Variants in UNC5A observed in about 807,000 individuals in gnomAD.
The protein encoded by UNC5A is netrin receptor UNC5A.
A neutral mutation model predicts 87.4 loss-of-function variants in UNC5A; 20 were observed. That is an observed-to-expected ratio of 0.23 (90% CI 0.16 to 0.33). The LOEUF is 0.33. Among genes scored for constraint, UNC5A ranks in the 10% least tolerant of loss-of-function variants. The pLI is 1.00. For synonymous variants in UNC5A, 438 were observed against 482.3 expected, an observed-to-expected ratio of 0.91 and a Z score of 1.20; for missense variants, 844 against 1,133.4, an observed-to-expected ratio of 0.74 and a Z score of 3.67.
intron 1 of UNC5A, among the ~76,000 whole-genome samples, chr5:176,854,430 A>G (rs984585475): frequency 5.3e-5 from 8 of 152,214 alleles, no homozygotes; most frequent in African/African-American, 1.9e-4. Flanking sequence ...GCAGGGATGC[A>G]GGTGGCAGGG....
chr5:176,856,520 G>T (rs1416996913), intron 1 of UNC5A, among the ~76,000 whole-genome samples: 1 of 152,246 alleles, frequency 6.6e-6, no homozygotes, highest in African/African-American at 2.4e-5. Flanking sequence ...CCCCCAGGGA[G>T]TTTATGGTCT....
intron 1 of UNC5A, among the ~76,000 whole-genome samples, chr5:176,858,981 G>A (rs1757749180): frequency 6.6e-6 from 1 of 152,198 alleles, no homozygotes; most frequent in African/African-American, 2.4e-5. Flanking sequence ...GAGCTCGGGG[G>A]CCAGAGGCAG....
chr5:176,868,966 T>A lies in UNC5A; in HGVS notation c.721+2T>A, dbSNP rs1162408031. The A allele has an allele frequency of 6.3e-7, 1 of 1,596,678 alleles. No homozygotes were observed. The highest frequency in any genetic ancestry group is 8.5e-7 in the Non-Finnish European group (1 of 1,170,068). ...CCTCCGCTGCTGTCATCGTCTACGGTGGGCCCCGGGACTCCCTGGTCACAG... is the reference window on the plus strand; with the variant it reads ...CCTCCGCTGCTGTCATCGTCTACGGAGGGCCCCGGGACTCCCTGGTCACAG... On this transcript the variant is annotated splice_donor_variant, in intron 5 of 14. Transcript: ENST00000329542. LOFTEE classifies it high-confidence loss of function.
intron 8 of UNC5A, among the ~76,000 whole-genome samples, chr5:176,876,337 G>A (rs1013332242): frequency 1.2e-4 from 19 of 152,286 alleles, no homozygotes; most frequent in Admixed American, 7.8e-4. Flanking sequence ...CCTGCTCTGC[G>A]CTGCCCACGA....
intron 1 of UNC5A, among the ~76,000 whole-genome samples, chr5:176,849,291 A>G (rs1012374738): frequency 6.6e-6 from 1 of 152,204 alleles, no homozygotes; most frequent in Non-Finnish European, 1.5e-5. Flanking sequence ...TGGGGAAAAA[A>G]AAATCAGTGC....
chr5:176,812,570 C>T (rs1161758535), intron 1 of UNC5A, among the ~76,000 whole-genome samples: 1 of 152,050 alleles, frequency 6.6e-6, no homozygotes, highest in Non-Finnish European at 1.5e-5. Flanking sequence ...GCACAGGTAC[C>T]GGTGAAGCAG....
rs1758405355 is a variant in UNC5A at position 176,880,887 on chromosome 5, A to C, written c.*1001A>C. Reference sequence around the variant, plus strand: ...GCGTGAATGTAAATAAATTATATATATATATTGCTAACCTGAGTGCTACTT... The same window carrying C: ...GCGTGAATGTAAATAAATTATATATCTATATTGCTAACCTGAGTGCTACTT... On this transcript the variant is annotated 3_prime_UTR_variant, in exon 15 of 15. Transcript: ENST00000329542. 1.8e-6 allele frequency: 1 copy of C among 566,336 alleles called. No individual in the cohort carries two copies. The highest frequency in any genetic ancestry group is 3.0e-6 in the Non-Finnish European group (1 of 334,280). The allele number at this position is 566,336 out of a possible 1,614,324, so 35.1% of individuals were successfully genotyped here.
chr5:176,816,757 C>T (rs190681566), intron 1 of UNC5A, among the ~76,000 whole-genome samples: 8 of 152,368 alleles, frequency 5.3e-5, no homozygotes, highest in Admixed American at 2.6e-4. Flanking sequence ...ACATAGTGGG[C>T]ACTCAATACA....
chr5:176,849,152 C>T (rs1305654818), intron 1 of UNC5A, among the ~76,000 whole-genome samples: 2 of 152,212 alleles, frequency 1.3e-5, no homozygotes, highest in Non-Finnish European at 2.9e-5. Context: ...CGGAAGAGGC[C>T]TTGGACACTG....
chr5:176,845,509 C>T (rs1443223601), intron 1 of UNC5A, among the ~76,000 whole-genome samples: 1 of 152,262 alleles, frequency 6.6e-6, no homozygotes, highest in Non-Finnish European at 1.5e-5. Context: ...GCTGGCTTCC[C>T]CTGCTGGACG....
intron 1 of UNC5A, among the ~76,000 whole-genome samples, chr5:176,858,844 T>C (rs1206750861): frequency 6.6e-6 from 1 of 151,784 alleles, no homozygotes; most frequent in African/African-American, 2.4e-5. Context: ...GCTAGTAGCC[T>C]GGGCTGTGCA....
At chr5:176,811,022 A>T (rs1036206845) in intron 1 of UNC5A, among the ~76,000 whole-genome samples, 4 of 151,838 alleles carry the variant, frequency 2.6e-5, no homozygotes, top group African/African-American at 9.7e-5. Flanking sequence ...GGGTTCTGCC[A>T]AGTCCAGGAG....
chr5:176,870,283 G>A (rs1038760941), intron 5 of UNC5A, 87 bp from the exon 6 acceptor site: 2 of 1,530,364 alleles, frequency 1.3e-6, no homozygotes, highest in Non-Finnish European at 1.8e-6. Context: ...GCCTGGTCTG[G>A]TTGCCCAGAG....
intron 1 of UNC5A, among the ~76,000 whole-genome samples, chr5:176,849,566 C>T (rs1421700570): frequency 1.3e-5 from 2 of 152,198 alleles, no homozygotes; most frequent in African/African-American, 2.4e-5. Flanking sequence ...GCCTGGGCAA[C>T]TGCGTCTCAA....
Position 176,865,972 on chromosome 5 carries a change from G to T in UNC5A, c.293-2158G>T, listed in dbSNP as rs1460501515. On this transcript the variant is annotated intron_variant, in intron 2 of 14. Coordinates refer to ENST00000329542, the MANE Select transcript of UNC5A (RefSeq NM_133369.3). This position sits in a 1 kb window ranked among gnomAD's most constrained non-coding sequence, Gnocchi z 5.3. Reference sequence around the variant, plus strand: ...GGTCTGGGAGTATAACTTATTTTGTGTTAAACAAACTGATTGGTTATTAGA... The same window carrying T: ...GGTCTGGGAGTATAACTTATTTTGTTTTAAACAAACTGATTGGTTATTAGA... Among the ~76,000 whole-genome samples, 1 of 152,250 alleles carries T rather than the reference G, an allele frequency of 6.6e-6. No homozygotes were observed. Among genetic ancestry groups the T allele is most frequent in the Non-Finnish European group, 1.5e-5 (1 of 68,044 alleles).
chr5:176,812,803 G>A (rs1756494146), intron 1 of UNC5A, among the ~76,000 whole-genome samples: 1 of 152,158 alleles, frequency 6.6e-6, no homozygotes, highest in South Asian at 2.1e-4. Flanking sequence ...AAGGCCATGG[G>A]GTGGGGAGGG....
At chr5:176,830,439 A>G (rs1430867707) in intron 1 of UNC5A, among the ~76,000 whole-genome samples, 10 of 139,296 alleles carry the variant, frequency 7.2e-5, no homozygotes, top group African/African-American at 3.0e-4. Context: ...GTGTGCTGGC[A>G]TGTGTGTGTG....
At chr5:176,823,005 G>A (rs1451961987) in intron 1 of UNC5A, among the ~76,000 whole-genome samples, 1 of 152,096 alleles carries the variant, frequency 6.6e-6, no homozygotes, top group African/African-American at 2.4e-5. Flanking sequence ...ATGGATAGGA[G>A]CAGGGAGAGG....
Position 176,865,084 on chromosome 5 carries a change from T to A in UNC5A, c.292+2239T>A. 1 of 332,878 alleles carries A rather than the reference T, an allele frequency of 3.0e-6. No homozygotes were observed. The highest frequency in any genetic ancestry group is 2.2e-5 in the South Asian group (1 of 45,568). The allele number at this position is 332,878 out of a possible 1,614,324, so 20.6% of individuals were successfully genotyped here. On this transcript the variant is annotated intron_variant, in intron 2 of 14. Transcript: ENST00000329542. The surrounding 1 kb of genome is among the most constrained non-coding windows in gnomAD (Gnocchi z 5.3). ...CTTGCAGATTGGTCGGGGGAAGCCA[T>A]GAAATCTCACGTGCCCAGTCAGGAC...
Sources: gnomAD v4.1 joint callset for allele counts (sites outside exome capture counted in the v4.1 genomes callset) on GRCh38, gnomAD v4.1.1 for gene constraint, Gnocchi (gnomAD v3.1) non-coding constraint, MANE v1.5 for transcripts, NCBI Gene and HGNC (gene_info 2026-07-23, HGNC 2026-07-21) for gene names.